The following DDX46 variants were observed in gnomAD, a reference collection of about 807,000 sequenced individuals.
DDX46 encodes probable ATP-dependent RNA helicase DDX46.
Under a neutral mutation model 134.9 loss-of-function variants are expected in DDX46, and 30 were observed. That is an observed-to-expected ratio of 0.22 (90% CI 0.17 to 0.30). The LOEUF (loss-of-function observed/expected upper bound fraction) is 0.30. Among genes scored for constraint, DDX46 ranks in the 10% least tolerant of loss-of-function variants. The probability of loss-of-function intolerance (pLI) is 1.00; values close to 1 mark genes in which losing one functional copy is unlikely to be tolerated. For synonymous variants in DDX46, 415 were observed against 404.1 expected (o/e 1.03, Z -0.32); for missense variants, 622 against 1,248.7 (o/e 0.50, Z 7.56).
intron 22 of DDX46, among the ~76,000 whole-genome samples, chr5:134,828,146 T>C (rs1755639536): frequency 6.6e-6 from 1 of 152,134 alleles, no homozygotes; most frequent in African/African-American, 2.4e-5. Flanking sequence ...TTATAAACAC[T>C]CCCTACAGTG....
intron 3 of DDX46, 115 bp from the exon 4 acceptor site, chr5:134,770,788 G>C: frequency 1.2e-6 from 1 of 864,912 alleles, no homozygotes; most frequent in Non-Finnish European, 1.7e-6. Flanking sequence ...CTCCACTCCA[G>C]TCTGGGCGAC....
chr5:134,758,959 A>C lies in DDX46; in HGVS notation c.17+4A>C. The C allele has an allele frequency of 6.2e-7, 1 of 1,611,722 alleles. No homozygotes were observed. Among genetic ancestry groups the C allele is most frequent in the South Asian group, 1.1e-5 (1 of 91,036 alleles). On this transcript the variant is annotated splice_donor_region_variant and intron_variant, in intron 1 of 22. Transcript: ENST00000452510. ...GCAGCATGGGTCGGGAGTCACGGTG[A>C]GGCAGAGCGCCGAGCGGGCTAGCGG...
At chr5:134,815,705 TCAAAAA>T (rs1436034164) in intron 18 of DDX46, among the ~76,000 whole-genome samples, 245 of 20,314 alleles carry the variant, frequency 0.012, no homozygotes, top group Admixed American at 0.037. Context: ...AGACTCTGTC[TCAAAAA>T]AAAAAAAAAA....
At chr5:134,824,911 A>C (rs954306777) in intron 21 of DDX46, among the ~76,000 whole-genome samples, 1 of 152,224 alleles carries the variant, frequency 6.6e-6, no homozygotes, top group Non-Finnish European at 1.5e-5. Flanking sequence ...TTACATGCCT[A>C]GTCAGCCTGT....
chr5:134,807,269 C>T (rs755610466), intron 15 of DDX46, among the ~76,000 whole-genome samples: 2 of 151,348 alleles, frequency 1.3e-5, no homozygotes, highest in Non-Finnish European at 2.9e-5. Flanking sequence ...ATCTGCCCGC[C>T]TCGGCCTCTC....
chr5:134,761,834 T>C (rs1377012517), intron 1 of DDX46, among the ~76,000 whole-genome samples: 4 of 152,192 alleles, frequency 2.6e-5, no homozygotes, highest in African/African-American at 9.6e-5. Flanking sequence ...CATTTTGATC[T>C]ATGCCACCAC....
chr5:134,777,516 T>G, intron 5 of DDX46, 58 bp from the exon 6 acceptor site: 1 of 1,595,502 alleles, frequency 6.3e-7, no homozygotes, highest in Non-Finnish European at 8.5e-7. Context: ...TGTGGTCTGA[T>G]TGTGAAATAC....
At chr5:134,812,314 C>T (rs1363160640) in intron 18 of DDX46, among the ~76,000 whole-genome samples, 2 of 152,042 alleles carry the variant, frequency 1.3e-5, no homozygotes, top group Non-Finnish European at 2.9e-5. Flanking sequence ...ATCCGCTTTC[C>T]TTGGCCTCCC....
chr5:134,782,688 G>A (rs2150141229), intron 8 of DDX46, among the ~76,000 whole-genome samples: 1 of 151,920 alleles, frequency 6.6e-6, no homozygotes, highest in East Asian at 1.9e-4. Context: ...CTACAGACAT[G>A]TGCCACCACA....
chr5:134,815,165 C>T (rs900708264), intron 18 of DDX46, among the ~76,000 whole-genome samples: 4 of 152,298 alleles, frequency 2.6e-5, no homozygotes, highest in Admixed American at 2.0e-4. Flanking sequence ...ATGAGGAACC[C>T]TTGAGCCTGG....
chr5:134,821,526 TG>T (rs1755449620), intron 21 of DDX46, among the ~76,000 whole-genome samples: 1 of 148,260 alleles, frequency 6.7e-6, no homozygotes, highest in African/African-American at 2.5e-5. Flanking sequence ...CTCTTGTTTC[TG>T]GGTTTTTTGT....
In DDX46 at chr5:134,773,814, T is replaced by C. The variant is rs747210353; in HGVS notation, c.566T>C (p.Ile189Thr). The change falls in exon 5 of 23, where the codon ATC becomes ACC. Residue 189 changes from isoleucine (I) to threonine (T), a missense_variant. By Grantham distance (89) the Ile-to-Thr change is moderately conservative. This residue lies in a region of DDX46 where 244 missense variants were observed against 349.3 expected (regional missense o/e 0.70). Coordinates refer to ENST00000452510, the MANE Select transcript of DDX46 (RefSeq NM_001300860.2). ...AACATAGGAGAACTGAAAAAGGAAA[T>C]CGAAGAGATGAAACAAGGGAAAAAG... ...MENIGELKKE[I>T]EEMKQGKKWS... 6.2e-7 allele frequency: 1 copy of C among 1,611,662 alleles called. No individual in the cohort carries two copies. Among genetic ancestry groups the C allele is most frequent in the Non-Finnish European group, 8.5e-7 (1 of 1,179,244 alleles).
chr5:134,795,942 A>G (rs1210989415), intron 14 of DDX46, 46 bp from the exon 15 acceptor site: 2 of 1,562,436 alleles, frequency 1.3e-6, no homozygotes, highest in Non-Finnish European at 1.7e-6. Context: ...CAGGGGATCC[A>G]TTTGCATTTT....
intron 21 of DDX46, among the ~76,000 whole-genome samples, chr5:134,823,452 T>C (rs959892687): frequency 1.6e-4 from 25 of 152,218 alleles, no homozygotes; most frequent in Admixed American, 1.4e-3. Flanking sequence ...ACAGCTGTTA[T>C]GTTTTCCGTG....
At chr5:134,772,796 G>T (rs1380103518) in intron 4 of DDX46, among the ~76,000 whole-genome samples, 1 of 152,094 alleles carries the variant, frequency 6.6e-6, no homozygotes, top group African/African-American at 2.4e-5. Flanking sequence ...ATGAGCCACC[G>T]TATCTGGCCT....
chr5:134,777,686 T>C lies in DDX46; in HGVS notation c.726T>C (p.Phe242=). The C allele has an allele frequency of 1.2e-6, 2 of 1,613,202 alleles. No homozygotes were observed. Among genetic ancestry groups the C allele is most frequent in the Non-Finnish European group, 1.7e-6 (2 of 1,179,786 alleles). Residue 242 remains phenylalanine, a synonymous_variant, in exon 6 of 23, where the codon TTT becomes TTC. Transcript: ENST00000452510. The part of the protein sequence containing the change: ...MEEVKEEVKK[F]NMRSVKGGGG... The stretch of plus-strand genomic sequence containing the variant: ...AAGTGAAAGAGGAAGTAAAAAAATT[T>C]AACATGAGAAGTGTAAAAGGTGGTG...
intron 18 of DDX46, among the ~76,000 whole-genome samples, chr5:134,813,792 A>G (rs1250868584): frequency 6.6e-6 from 1 of 151,754 alleles, no homozygotes; most frequent in Non-Finnish European, 1.5e-5. Flanking sequence ...ATATATTTTA[A>G]AATGTTTTTT....
At chr5:134,813,709 C>T (rs1755210517) in intron 18 of DDX46, among the ~76,000 whole-genome samples, 1 of 152,076 alleles carries the variant, frequency 6.6e-6, no homozygotes, top group Non-Finnish European at 1.5e-5. Flanking sequence ...CAACTCACTG[C>T]TGCCTCAGCG....
At chr5:134,828,402 G>A (rs30278) in intron 22 of DDX46, among the ~76,000 whole-genome samples, 10,233 of 152,194 alleles carry the variant, frequency 0.067, 744 homozygotes, top group African/African-American at 0.19. Flanking sequence ...ACCACCATTA[G>A]GTTGATTCAA....
Sources: gnomAD v4.1 joint callset for allele counts (sites outside exome capture counted in the v4.1 genomes callset) on GRCh38, gnomAD v4.1.1 for gene constraint, gnomAD v4.1.1 regional missense constraint, MANE v1.5 for transcripts, NCBI Gene and HGNC (gene_info 2026-07-23, HGNC 2026-07-21) for gene names.